PSD2: variants seen among roughly 807,000 people sequenced by gnomAD.
PSD2 encodes the protein PH and SEC7 domain-containing protein 2.
Under a neutral mutation model 69.8 loss-of-function variants are expected in PSD2, and 38 were observed. The ratio of observed to expected loss-of-function variants is 0.54; its 90% CI spans 0.42 to 0.71. The LOEUF is 0.71. Ranked by LOEUF, PSD2 falls within the 30% of genes least tolerant of loss-of-function variation. PSD2 has a pLI of 0.00. For synonymous variants in PSD2, 412 were observed against 423.0 expected, an observed-to-expected ratio of 0.97 and a Z score of 0.32; for missense variants, 943 against 1,014.5, an observed-to-expected ratio of 0.93 and a Z score of 0.96.
chr5:139,756,419 C>T, the PSD2 span, among the ~76,000 whole-genome samples: 2 of 152,380 alleles, frequency 1.3e-5, no homozygotes, highest in South Asian at 2.1e-4. Context: ...CCCGCTCAAG[C>T]ATCTAGGGTC....
intron 1 of PSD2, among the ~76,000 whole-genome samples, chr5:139,798,867 G>C (rs1219008754): frequency 6.6e-6 from 1 of 151,926 alleles, no homozygotes; most frequent in Non-Finnish European, 1.5e-5. Context: ...TCTCAGTAAA[G>C]TCCTTTATAG....
At chr5:139,835,453 G>C (rs968833897) in intron 8 of PSD2, among the ~76,000 whole-genome samples, 1 of 152,186 alleles carries the variant, frequency 6.6e-6, no homozygotes, top group Non-Finnish European at 1.5e-5. Context: ...TGGAAATTCA[G>C]TAGTGAACAA....
chr5:139,818,629 G>T (rs781376218), intron 5 of PSD2, among the ~76,000 whole-genome samples: 1 of 152,058 alleles, frequency 6.6e-6, no homozygotes, highest in African/African-American at 2.4e-5. Context: ...GGATATTTTC[G>T]GTTGACCTGT....
In PSD2 at chr5:139,829,695, A is replaced by C. The variant is rs114256727; in HGVS notation, c.1270-4007A>C. Among the ~76,000 whole-genome samples the C allele has an allele frequency of 4.4e-3, 671 of 152,330 alleles. 3 individuals are homozygous for C. The highest frequency in any genetic ancestry group is 0.015 in the African/African-American group (634 of 41,568). On this transcript the variant is annotated intron_variant, in intron 7 of 14. Transcript: ENST00000274710. ...ATTTTTTATGGCTGAATAATATTCCATTGTATGGATATGCCACATTTTATT... is the reference window on the plus strand; with the variant it reads ...ATTTTTTATGGCTGAATAATATTCCCTTGTATGGATATGCCACATTTTATT...
intron 4 of PSD2, among the ~76,000 whole-genome samples, chr5:139,816,161 G>A (rs576914922): frequency 1.3e-5 from 2 of 152,044 alleles, no homozygotes; most frequent in Non-Finnish European, 2.9e-5. Context: ...AGATTGTAAC[G>A]CATATTTCAG....
intron 1 of PSD2, among the ~76,000 whole-genome samples, chr5:139,798,171 A>G (rs1759581039): frequency 6.6e-6 from 1 of 151,976 alleles, no homozygotes; most frequent in South Asian, 2.1e-4. Context: ...TCGCCCCTTG[A>G]GGGGTGTTTG....
At chr5:139,756,458 C>T in the PSD2 span, among the ~76,000 whole-genome samples, 2 of 152,198 alleles carry the variant, frequency 1.3e-5, no homozygotes. Context: ...CCAACCCGTG[C>T]AGGGTTCAGA....
chr5:139,767,787 GCTGTGCAAAGTGA>G, the PSD2 span, among the ~76,000 whole-genome samples: 1 of 152,240 alleles, frequency 6.6e-6, no homozygotes, highest in Non-Finnish European at 1.5e-5. Flanking sequence ...TGTGCCAGGT[GCTGTGCAAAGTGA>G]TTCAGCACAT....
intron 14 of PSD2, among the ~76,000 whole-genome samples, chr5:139,841,553 T>C (rs972804842): frequency 6.6e-6 from 1 of 152,262 alleles, no homozygotes; most frequent in Non-Finnish European, 1.5e-5. Flanking sequence ...TGCTGGATCA[T>C]GTGGTAATTT....
the PSD2 span, among the ~76,000 whole-genome samples, chr5:139,755,189 G>A: frequency 6.6e-6 from 1 of 152,220 alleles, no homozygotes; most frequent in Non-Finnish European, 1.5e-5. Flanking sequence ...TGGGTAGGTA[G>A]ATGGATCCTC....
In PSD2 at chr5:139,809,622, C is replaced by A. The variant is rs1412780563; in HGVS notation, c.182C>A (p.Thr61Lys). 1.2e-6 allele frequency: 2 copies of A among 1,614,276 alleles called. No homozygotes were observed. The highest frequency in any genetic ancestry group is 1.7e-6 in the Non-Finnish European group (2 of 1,180,054). The change falls in exon 2 of 15, where the codon ACG becomes AAG. Residue 61 changes from threonine to lysine, a missense_variant. By Grantham distance (78) the Thr-to-Lys change is moderately conservative. This residue lies in a region of PSD2 where 466 missense variants were observed against 445.0 expected (regional missense o/e 1.05). Transcript: ENST00000274710. ...RGTPADTEEP[T>K]KDPDVAFHGL... ...ACCCCAGCGGACACTGAGGAACCCA[C>A]GAAGGACCCAGATGTGGCCTTCCAT...
intron 9 of PSD2, among the ~76,000 whole-genome samples, 191 bp downstream of exon 9, chr5:139,835,957 A>G (rs980598078): frequency 6.6e-5 from 10 of 152,244 alleles, no homozygotes; most frequent in African/African-American, 1.9e-4. Flanking sequence ...GTATTGAGAA[A>G]AAGAGTGCAA....
At chr5:139,818,362 T>C (rs368083935) in intron 5 of PSD2, among the ~76,000 whole-genome samples, 2 of 151,988 alleles carry the variant, frequency 1.3e-5, no homozygotes, top group Non-Finnish European at 1.5e-5. Flanking sequence ...CTGGGCAACA[T>C]AGGGAGGCCC....
At chr5:139,755,508 G>A in the PSD2 span, among the ~76,000 whole-genome samples, 1 of 152,052 alleles carries the variant, frequency 6.6e-6, no homozygotes, top group Non-Finnish European at 1.5e-5. Flanking sequence ...TCTCTGCACA[G>A]CTTGTGTGAT....
the PSD2 span, chr5:139,742,577 G>A: frequency 1.3e-5 from 2 of 152,692 alleles, no homozygotes; most frequent in Admixed American, 6.5e-5. Context: ...GCTCAGGTAG[G>A]GCCATGAGTG....
chr5:139,762,404 G>A, the PSD2 span, among the ~76,000 whole-genome samples: 3 of 151,984 alleles, frequency 2.0e-5, no homozygotes, highest in African/African-American at 2.4e-5. Context: ...GTGCAGTGGC[G>A]CAATCATAGC....
At position 139,811,744 on chromosome 5, in the gene PSD2, G is replaced by A. The variant is rs574992540; in HGVS notation, c.372-1565G>A. On this transcript the variant is annotated intron_variant, in intron 2 of 14. Transcript: ENST00000274710. ...CAAGTAGCTGGGACTACAGGTGCCCGCCACTACGCCCGGCTAATTTTTGTA... is the reference window on the plus strand; with the variant it reads ...CAAGTAGCTGGGACTACAGGTGCCCACCACTACGCCCGGCTAATTTTTGTA... Among the ~76,000 whole-genome samples, 19 of 152,146 alleles carry A rather than the reference G, an allele frequency of 1.2e-4. No individual in the cohort carries two copies. In the South Asian group the frequency reaches 2.5e-3, roughly 20 times the overall value.
chr5:139,753,156 G>T, the PSD2 span, among the ~76,000 whole-genome samples: 1 of 152,156 alleles, frequency 6.6e-6, no homozygotes, highest in Non-Finnish European at 1.5e-5. Flanking sequence ...TAACCTGCCT[G>T]ATTAGAGACA....
the PSD2 span, among the ~76,000 whole-genome samples, chr5:139,787,726 C>T: frequency 2.0e-5 from 3 of 152,252 alleles, no homozygotes; most frequent in Non-Finnish European, 4.4e-5. Flanking sequence ...GCCAGTTAGA[C>T]CCGCGATCTT....
Sources: allele counts gnomAD v4.1 joint callset (sites outside exome capture counted in the v4.1 genomes callset), GRCh38; gene constraint gnomAD v4.1.1; regional missense constraint gnomAD v4.1.1; transcripts MANE v1.5; gene names NCBI Gene and HGNC (gene_info 2026-07-23, HGNC 2026-07-21).